SIPA1L1: variants seen among roughly 807,000 people sequenced by gnomAD.
SIPA1L1 encodes the protein signal induced proliferation associated 1 like 1, also known as signal-induced proliferation-associated 1-like protein 1.
In SIPA1L1, 26 loss-of-function variants were observed where a neutral mutation model predicts 162.7. The ratio of observed to expected loss-of-function variants is 0.16; its 90% CI spans 0.12 to 0.22. The LOEUF is 0.22. Among genes scored for constraint, SIPA1L1 ranks in the 10% least tolerant of loss-of-function variants. The pLI, the probability that SIPA1L1 is intolerant of heterozygous loss-of-function variation, is 1.00. For missense variants in SIPA1L1, 1,874 were observed against 2,241.0 expected, an observed-to-expected ratio of 0.84 and a Z score of 3.31; for synonymous variants, 829 against 837.4, an observed-to-expected ratio of 0.99 and a Z score of 0.17.
At chr14:71,716,648 G>A (rs892478891) in intron 17 of SIPA1L1, among the ~76,000 whole-genome samples, 2 of 152,170 alleles carry the variant, frequency 1.3e-5, no homozygotes, top group Non-Finnish European at 2.9e-5. Flanking sequence ...TGACATTCAG[G>A]CTTCCCAATC....
rs1595099454 is a variant in SIPA1L1 at position 71,377,129 on chromosome 14, A to C, written c.-465+55948A>C. 7.5e-6 allele frequency among the ~76,000 whole-genome samples: 1 copy of C among 133,262 alleles called. No homozygotes were observed. Among genetic ancestry groups the C allele is most frequent in the African/African-American group, 2.9e-5 (1 of 34,564 alleles). The allele number at this position is 133,262 out of a possible 152,430, so 87.4% of individuals were successfully genotyped here. A position where few individuals can be genotyped will look rare whatever the true frequency, so the allele number is the denominator to read the frequency against. On this transcript the variant is annotated intron_variant, in intron 2 of 23. Transcript: ENST00000381232. This position sits in a 1 kb window ranked among gnomAD's most constrained non-coding sequence, Gnocchi z 4.8. ...GGCGGCCGGGCAGAGGGGCCCCCCC[A>C]CCCCCCAGATGGGGCGGCCAGGCAG...
intron 10 of SIPA1L1, among the ~76,000 whole-genome samples, chr14:71,664,039 G>A (rs2043779601): frequency 6.6e-6 from 1 of 152,182 alleles, no homozygotes; most frequent in South Asian, 2.1e-4. Context: ...GGTATGTGGT[G>A]ATGTCAGGAA....
intron 2 of SIPA1L1, among the ~76,000 whole-genome samples, chr14:71,360,704 A>C (rs2037727937): frequency 6.6e-6 from 1 of 152,192 alleles, no homozygotes; most frequent in South Asian, 2.1e-4. Context: ...GCCTTTTGGA[A>C]GTTGAGAAAA....
intron 2 of SIPA1L1, among the ~76,000 whole-genome samples, chr14:71,331,030 A>T (rs1314530168): frequency 6.6e-6 from 1 of 152,174 alleles, no homozygotes; most frequent in Non-Finnish European, 1.5e-5. Context: ...AAGTTTTATA[A>T]TTTAGGTCTT....
chr14:71,544,093 A>ACATG (rs2054845697), intron 4 of SIPA1L1, among the ~76,000 whole-genome samples: 1 of 148,112 alleles, frequency 6.8e-6, no homozygotes, highest in African/African-American at 2.6e-5. Context: ...ATGTATATAC[A>ACATG]CACGCACATG....
At chr14:71,553,028 C>G (rs76553880) in intron 4 of SIPA1L1, among the ~76,000 whole-genome samples, 3 of 152,090 alleles carry the variant, frequency 2.0e-5, no homozygotes, top group African/African-American at 7.2e-5. Context: ...TTCAGATTGC[C>G]GATATCTCCA....
rs532223990 is a variant in SIPA1L1, at chr14:71,556,896, G to A, written c.-303+27526G>A. ...GCCTTTCTGTGTAGCTTTCCTTCCCGTAGGATATGGAGCAGGACTCTCTGG... is the reference window on the plus strand; with the variant it reads ...GCCTTTCTGTGTAGCTTTCCTTCCCATAGGATATGGAGCAGGACTCTCTGG... On this transcript the variant is annotated intron_variant, in intron 4 of 23. Coordinates refer to ENST00000381232, the MANE Select transcript of SIPA1L1 (RefSeq NM_001386936.1). Among the ~76,000 whole-genome samples the A allele has an allele frequency of 7.8e-4, 118 of 151,976 alleles. 1 individual carries two copies. Among genetic ancestry groups the A allele is most frequent in the Middle Eastern group, 3.4e-3 (1 of 294 alleles).
At chr14:71,529,973 A>C (rs1251442293) in intron 4 of SIPA1L1, among the ~76,000 whole-genome samples, 1 of 152,206 alleles carries the variant, frequency 6.6e-6, no homozygotes. Context: ...TTCCGGACTG[A>C]GTGAGAAGCC....
intron 20 of SIPA1L1, among the ~76,000 whole-genome samples, chr14:71,733,316 C>G (rs1389230660): frequency 6.6e-6 from 1 of 152,200 alleles, no homozygotes; most frequent in Non-Finnish European, 1.5e-5. Flanking sequence ...TCTTCCTGGC[C>G]CAAATCCCTT....
At chr14:71,354,968 A>G (rs564401750) in intron 2 of SIPA1L1, among the ~76,000 whole-genome samples, 13 of 152,294 alleles carry the variant, frequency 8.5e-5, no homozygotes, top group African/African-American at 3.1e-4. Flanking sequence ...GGTCACTAAC[A>G]TTAGTGAGAC....
At position 71,704,901 on chromosome 14, in the gene SIPA1L1, A is replaced by G. The variant is rs543446597; in HGVS notation, c.3647-321A>G. ...GCAATGAATGAATTTCATAAATTTAATTCATATAATCTAAATTTTTCCCCC... is the reference window on the plus strand; with the variant it reads ...GCAATGAATGAATTTCATAAATTTAGTTCATATAATCTAAATTTTTCCCCC... On this transcript the variant is annotated intron_variant, in intron 15 of 23. Transcript: ENST00000381232. The G allele has an allele frequency of 1.7e-5, 12 of 716,160 alleles. No individual in the cohort carries two copies. In the East Asian group the frequency reaches 3.0e-4, roughly 18 times the overall value. The allele number at this position is 716,160 out of a possible 1,614,324, so 44.4% of individuals were successfully genotyped here. A position where few individuals can be genotyped will look rare whatever the true frequency, so the allele number is the denominator to read the frequency against.
intron 5 of SIPA1L1, among the ~76,000 whole-genome samples, chr14:71,599,982 TGTTGA>T (rs1378861669): frequency 2.0e-5 from 3 of 152,196 alleles, no homozygotes; most frequent in Non-Finnish European, 2.9e-5. Flanking sequence ...TTTGTTTTAC[TGTTGA>T]GTTCCTTGTG....
In SIPA1L1 at chr14:71,589,004, C is replaced by T. The variant is rs1428953438; in HGVS notation, c.1132C>T (p.His378Tyr). The T allele has an allele frequency of 6.2e-7, 1 of 1,614,008 alleles. No individual in the cohort carries two copies. Among genetic ancestry groups the T allele is most frequent in the African/African-American group, 1.3e-5 (1 of 74,940 alleles). ...VASLVSGPLS[H>Y]SASFSSPMGS... Reference sequence around the variant, plus strand: ...ATCCTTGGTCTCTGGACCTCTGTCTCATTCAGCCAGTTTTAGCTCCCCAAT... The same window carrying T: ...ATCCTTGGTCTCTGGACCTCTGTCTTATTCAGCCAGTTTTAGCTCCCCAAT... The change falls in exon 5 of 24, where the codon CAT becomes TAT. Residue 378 changes from histidine to tyrosine, a missense_variant. This residue lies in a region of SIPA1L1 where 685 missense variants were observed against 828.0 expected (regional missense o/e 0.83). Coordinates refer to ENST00000381232, the MANE Select transcript of SIPA1L1 (RefSeq NM_001386936.1).
chr14:71,359,177 G>T (rs111263355), intron 2 of SIPA1L1, among the ~76,000 whole-genome samples: 13 of 152,176 alleles, frequency 8.5e-5, no homozygotes, highest in African/African-American at 3.1e-4. Flanking sequence ...TTCCTGTGCT[G>T]TTCTCATGAT....
chr14:71,462,264 C>T (rs1392916292), intron 2 of SIPA1L1, among the ~76,000 whole-genome samples: 2 of 152,152 alleles, frequency 1.3e-5, no homozygotes, highest in Non-Finnish European at 2.9e-5. Context: ...TCCTAGAGGC[C>T]TCCTCTGTGA....
chr14:71,356,810 G>T (rs1028604836), intron 2 of SIPA1L1, among the ~76,000 whole-genome samples: 2 of 151,028 alleles, frequency 1.3e-5, no homozygotes, highest in African/African-American at 4.9e-5. Flanking sequence ...AGCTAGCAGG[G>T]GTATGTTGAT....
At chr14:71,374,420 C>T (rs1368654410) in intron 2 of SIPA1L1, among the ~76,000 whole-genome samples, 1 of 151,716 alleles carries the variant, frequency 6.6e-6, no homozygotes, top group African/African-American at 2.4e-5. Flanking sequence ...TTGATAGAGC[C>T]TTCAAGGTTG....
intron 16 of SIPA1L1, among the ~76,000 whole-genome samples, chr14:71,706,087 C>G (rs894890061): frequency 5.3e-5 from 8 of 151,930 alleles, no homozygotes; most frequent in Non-Finnish European, 1.5e-5. Flanking sequence ...GGAAGATGCC[C>G]AGAGAACTTT....
At chr14:71,663,682 T>C (rs971230891) in intron 10 of SIPA1L1, among the ~76,000 whole-genome samples, 3 of 152,076 alleles carry the variant, frequency 2.0e-5, no homozygotes, top group African/African-American at 7.2e-5. Context: ...AAAATTAGGA[T>C]TTTTGCTTTC....
Sources: allele counts gnomAD v4.1 joint callset (sites outside exome capture counted in the v4.1 genomes callset), GRCh38; gene constraint gnomAD v4.1.1; regional missense constraint gnomAD v4.1.1; non-coding constraint Gnocchi (gnomAD v3.1); transcripts MANE v1.5; gene names NCBI Gene and HGNC (gene_info 2026-07-23, HGNC 2026-07-21).